The following RNASEH2C variants were observed in gnomAD, a reference collection of about 807,000 sequenced individuals.
RNASEH2C encodes RNase H1 small subunit.
A neutral mutation model predicts 16.3 loss-of-function variants in RNASEH2C; 20 were observed. That is an observed-to-expected ratio of 1.23 (90% CI 0.86 to 1.79). The LOEUF is 1.79. Among genes scored for constraint, RNASEH2C ranks in the 40% most tolerant of loss-of-function variants. The probability of loss-of-function intolerance (pLI) is 0.00; values close to 1 mark genes in which losing one functional copy is unlikely to be tolerated. For missense variants in RNASEH2C, 296 were observed against 235.9 expected (o/e 1.25, Z -1.67); for synonymous variants, 106 against 98.9 (o/e 1.07, Z -0.43).
chr11:65,720,246 T>A lies in RNASEH2C; in HGVS notation c.344A>T (p.Asp115Val). 1.2e-6 allele frequency: 2 copies of A among 1,614,216 alleles called. No homozygotes were observed. The highest frequency in any genetic ancestry group is 1.7e-6 in the Non-Finnish European group (2 of 1,180,028). The change falls in exon 2 of 4, where the codon GAC becomes GTC. Residue 115 changes from aspartate (D) to valine (V), a missense_variant. Asp to Val is a radical substitution (Grantham distance 152). Transcript: ENST00000308418. Reference sequence around the variant, plus strand: ...CAACCCTATCCCTTTGCTCACGAAGTCCCGCTCCAGCGGCTCCTCCTCTTG... The same window carrying A: ...CAACCCTATCCCTTTGCTCACGAAGACCCGCTCCAGCGGCTCCTCCTCTTG... ...DDQEEEPLERDFDRFIGATAN... is the reference protein window; with the variant it reads ...DDQEEEPLERVFDRFIGATAN...
chr11:65,720,637 G>C lies in RNASEH2C; in HGVS notation c.122C>G (p.Pro41Arg). Reference sequence around the variant, plus strand: ...CGTGAAGAAGCGCCCCACCGGGGCGGGCCCGTCCACCGCAACCTCGCAGGG... The same window carrying C: ...CGTGAAGAAGCGCCCCACCGGGGCGCGCCCGTCCACCGCAACCTCGCAGGG... ...LLPCEVAVDGPAPVGRFFTPA... is the reference protein window; with the variant it reads ...LLPCEVAVDGRAPVGRFFTPA... Residue 41 changes from proline (P) to arginine (R), a missense_variant, in exon 1 of 4, where the codon CCC becomes CGC. Transcript: ENST00000308418. The C allele has an allele frequency of 1.3e-6, 2 of 1,563,700 alleles. No homozygotes were observed. Among genetic ancestry groups the C allele is most frequent in the Non-Finnish European group, 1.7e-6 (2 of 1,158,952 alleles).
chr11:65,719,395 C>T lies in RNASEH2C; in HGVS notation c.*388G>A, dbSNP rs982205018. On this transcript the variant is annotated 3_prime_UTR_variant, in exon 4 of 4. Coordinates refer to ENST00000308418, the MANE Select transcript of RNASEH2C (RefSeq NM_032193.4). ...CTCCAAGGTCAGCTGGCCACAGGCC[C>T]AGGCCTCCTCTGAAGCAGGGACCAG... 2 of 631,512 alleles carry T rather than the reference C, an allele frequency of 3.2e-6. No individual in the cohort carries two copies. The highest frequency in any genetic ancestry group is 5.5e-6 in the Non-Finnish European group (2 of 365,680). The allele number at this position is 631,512 out of a possible 1,614,324, so 39.1% of individuals were successfully genotyped here. A position where few individuals can be genotyped will look rare whatever the true frequency, so the allele number is the denominator to read the frequency against.
rs760270515 is a variant in RNASEH2C, at chr11:65,720,400, G to T, written c.190C>A (p.Arg64=). ...TCCTCTCCCCGTAGACAGCGGCCCCGAAACGACACTTCGAGTCCTGGAGCG... is the reference window on the plus strand; with the variant it reads ...TCCTCTCCCCGTAGACAGCGGCCCCTAAACGACACTTCGAGTCCTGGAGCG... ...QGPEGLEVSF[R]GRCLRGEEVA... The change falls in exon 2 of 4, where the codon CGG becomes AGG. Residue 64 remains arginine, a synonymous_variant. Coordinates refer to ENST00000308418, the MANE Select transcript of RNASEH2C (RefSeq NM_032193.4). The T allele has an allele frequency of 1.2e-5, 19 of 1,613,922 alleles. No homozygotes were observed. Among genetic ancestry groups the T allele is most frequent in the Middle Eastern group, 1.6e-4 (1 of 6,084 alleles).
Position 65,720,223 on chromosome 11 carries a change from A to G in RNASEH2C, c.348+19T>C, listed in dbSNP as rs755524049. 1.7e-5 allele frequency: 28 copies of G among 1,613,700 alleles called. No individual in the cohort carries two copies. The highest frequency in any genetic ancestry group is 1.6e-4 in the Middle Eastern group (1 of 6,084). On this transcript the variant is annotated intron_variant, in intron 2 of 3. Coordinates refer to ENST00000308418, the MANE Select transcript of RNASEH2C (RefSeq NM_032193.4). ...CAGCTCCCGCCCGCACCCCCTTTCA[A>G]CCCTATCCCTTTGCTCACGAAGTCC...
intron 3 of RNASEH2C, 72 bp downstream of exon 3, chr11:65,719,973 A>G (rs772496650): frequency 5.6e-6 from 9 of 1,609,094 alleles, no homozygotes; most frequent in Middle Eastern, 1.6e-4. Context: ...AGAATCCTCC[A>G]GGCTCCGTCT....
Position 65,720,120 on chromosome 11 carries a change from C to A in RNASEH2C, c.393G>T (p.Leu131=). ...GATANFSRFT[L]WGLETIPGPD... is the part of the protein sequence containing the mutation. ...GGCCAGGGATGGTCTCCAGACCCCA[C>A]AGGGTGAAGCGGCTGAAGTTGGCAG... Residue 131 remains leucine (L), a synonymous_variant, in exon 3 of 4, where the codon CTG becomes CTT. Transcript: ENST00000308418. The A allele has an allele frequency of 6.2e-7, 1 of 1,614,252 alleles. No homozygotes were observed. The highest frequency in any genetic ancestry group is 8.5e-7 in the Non-Finnish European group (1 of 1,180,052).
At position 65,720,040 on chromosome 11, in the gene RNASEH2C, CT is replaced by C; in HGVS notation, c.468+4del. 1 of 1,613,312 alleles carries C rather than the reference CT, an allele frequency of 6.2e-7. No individual in the cohort carries two copies. Among genetic ancestry groups the C allele is most frequent in the Non-Finnish European group, 8.5e-7 (1 of 1,180,042 alleles). On this transcript the variant is annotated splice_donor_region_variant and intron_variant, in intron 3 of 3. Transcript: ENST00000308418. ...GGGGCAAGACGGAACTCCTCGTCTA[CT>C]CACCGCTGCCGCAAGGCTGGGCCAA...
In RNASEH2C at chr11:65,720,396, C is replaced by T. The variant is rs554234154; in HGVS notation, c.194G>A (p.Gly65Asp). 1.4e-5 allele frequency: 23 copies of T among 1,614,106 alleles called. No homozygotes were observed. In the East Asian group the frequency reaches 4.2e-4, roughly 30 times the overall value. ...GPEGLEVSFR[G>D]RCLRGEEVAV... ...CACCTCCTCTCCCCGTAGACAGCGG[C>T]CCCGAAACGACACTTCGAGTCCTGG... The change falls in exon 2 of 4, where the codon GGC (glycine) becomes GAC (aspartate). Residue 65 changes from glycine to aspartate, a missense_variant. Physicochemically the swap from Gly to Asp is moderately conservative, Grantham distance 94 (BLOSUM62 -1). Coordinates refer to ENST00000308418, the MANE Select transcript of RNASEH2C (RefSeq NM_032193.4).
Position 65,720,747 on chromosome 11 carries a change from G to GCCGCTCT in RNASEH2C, c.5_11dup (p.Asp5GlufsTer103). The GCCGCTCT allele has an allele frequency of 6.3e-7, 1 of 1,592,488 alleles. No individual in the cohort carries two copies. Among genetic ancestry groups the GCCGCTCT allele is most frequent in the Non-Finnish European group, 8.5e-7 (1 of 1,174,624 alleles). On this transcript the variant is annotated frameshift_variant, in exon 1 of 4. Coordinates refer to ENST00000308418, the MANE Select transcript of RNASEH2C (RefSeq NM_032193.4). LOFTEE classifies it high-confidence loss of function. ...GGTGCCTCTCGATGGCCGCTTCGTC[G>GCCGCTCT]CCGCTCTCCATCCTCCCTCCTACGC...
At position 65,719,828 on chromosome 11, in the gene RNASEH2C, C is replaced by T. The variant is rs2135651382; in HGVS notation, c.469-19G>A. 2 of 1,614,112 alleles carry T rather than the reference C, an allele frequency of 1.2e-6. No individual in the cohort carries two copies. Among genetic ancestry groups the T allele is most frequent in the Admixed American group, 1.7e-5 (1 of 60,026 alleles). On this transcript the variant is annotated intron_variant, in intron 3 of 3. Coordinates refer to ENST00000308418, the MANE Select transcript of RNASEH2C (RefSeq NM_032193.4). The stretch of plus-strand genomic sequence containing the variant: ...CGTGAATCTGCAACAGGAGTCGCCT[C>T]TACTGTTGGACTTGTAAGACAGGGC...
At position 65,720,465 on chromosome 11, in the gene RNASEH2C, G is replaced by A. The variant is rs750684200; in HGVS notation, c.173-48C>T. The A allele has an allele frequency of 2.5e-6, 4 of 1,604,342 alleles. No individual in the cohort carries two copies. In the South Asian group the frequency reaches 4.4e-5, roughly 18 times the overall value. ...CCTCAGGCAGGACCCACGCTGGGTC[G>A]AGCCCGGAGCTGCCCTCCCGCCACC... On this transcript the variant is annotated intron_variant, in intron 1 of 3. Coordinates refer to ENST00000308418, the MANE Select transcript of RNASEH2C (RefSeq NM_032193.4).
At chr11:65,720,456 C>T (rs757385325) in intron 1 of RNASEH2C, 39 bp from the exon 2 acceptor site, 15 of 1,608,602 alleles carry the variant, frequency 9.3e-6, no homozygotes, top group Non-Finnish European at 1.3e-5. Flanking sequence ...GCAGGACCCA[C>T]GCTGGGTCGA....
At chr11:65,720,498 G>A in intron 1 of RNASEH2C, 81 bp from the exon 2 acceptor site, 4 of 1,581,240 alleles carry the variant, frequency 2.5e-6, no homozygotes, top group Non-Finnish European at 3.4e-6. Context: ...ACCTCCGGAC[G>A]GACCACGATC....
rs775269637 is a variant in RNASEH2C at position 65,720,592 on chromosome 11, G to C, written c.167C>G (p.Pro56Arg). Reference protein sequence around the residue: ...RFFTPAIRQGPEGLEVSFRGR... With the variant: ...RFFTPAIRQGREGLEVSFRGR... ...AGTCCGGCCGCAGGGCTCACCCTCG[G>C]GGCCCTGGCGGATGGCGGGCGTGAA... The change falls in exon 1 of 4, where the codon CCC becomes CGC. Residue 56 changes from proline (P) to arginine (R), a missense_variant. Pro to Arg is a moderately radical substitution (Grantham distance 103). Coordinates refer to ENST00000308418, the MANE Select transcript of RNASEH2C (RefSeq NM_032193.4). 2.0e-6 allele frequency: 3 copies of C among 1,533,948 alleles called. No homozygotes were observed. The highest frequency in any genetic ancestry group is 2.6e-6 in the Non-Finnish European group (3 of 1,143,690).
At position 65,718,613 on chromosome 11, in the gene RNASEH2C, G is replaced by A; in HGVS notation, c.*1170C>T. 1 of 1,614,212 alleles carries A rather than the reference G, an allele frequency of 6.2e-7. No individual in the cohort carries two copies. On this transcript the variant is annotated 3_prime_UTR_variant, in exon 4 of 4. Transcript: ENST00000308418. ...AGGCTATGAACTCTCCAAAGTGGAA[G>A]GGAAAACAGGGACCCCTGAGAAGCC... is the stretch of plus-strand genomic sequence containing the variant.
rs1857350587 is a variant in RNASEH2C at position 65,720,290 on chromosome 11, C to T, written c.300G>A (p.Arg100=). The change falls in exon 2 of 4, where the codon CGG becomes CGA. Residue 100 remains arginine (R), a synonymous_variant. Coordinates refer to ENST00000308418, the MANE Select transcript of RNASEH2C (RefSeq NM_032193.4). The part of the protein sequence containing the change: ...KVSMGKPDPL[R]DSGTDDQEEE... ...CCTCTTGGTCGTCAGTCCCGGAATC[C>T]CGCAAGGGGTCTGGCTTCCCCATCG... The T allele has an allele frequency of 1.2e-6, 2 of 1,614,124 alleles. No homozygotes were observed. The highest frequency in any genetic ancestry group is 2.7e-5 in the African/African-American group (2 of 74,954).
In RNASEH2C at chr11:65,720,636, G is replaced by T; in HGVS notation, c.123C>A (p.Pro41=). 6.4e-7 allele frequency: 1 copy of T among 1,562,512 alleles called. No individual in the cohort carries two copies. Among genetic ancestry groups the T allele is most frequent in the East Asian group, 2.4e-5 (1 of 41,738 alleles). ...LLPCEVAVDG[P]APVGRFFTPA... is the part of the protein sequence containing the mutation. ...GCGTGAAGAAGCGCCCCACCGGGGC[G>T]GGCCCGTCCACCGCAACCTCGCAGG... Residue 41 remains proline, a synonymous_variant, in exon 1 of 4, where the codon CCC becomes CCA. Transcript: ENST00000308418.
At position 65,720,164 on chromosome 11, in the gene RNASEH2C, C is replaced by A. The variant is rs768923856; in HGVS notation, c.349G>T (p.Asp117Tyr). The A allele has an allele frequency of 1.2e-6, 2 of 1,614,256 alleles. No homozygotes were observed. Among genetic ancestry groups the A allele is most frequent in the South Asian group, 2.2e-5 (2 of 91,086 alleles). Residue 117 changes from aspartate (D) to tyrosine (Y), a missense_variant and splice_region_variant, in exon 3 of 4, where the codon GAC becomes TAC. Coordinates refer to ENST00000308418, the MANE Select transcript of RNASEH2C (RefSeq NM_032193.4). ...QEEEPLERDF[D>Y]RFIGATANFS... ...TTGGCAGTGGCTCCAATGAAGCGGT[C>A]CTGGGGAAGGGGCCTGGCTCAGCAT...
In RNASEH2C at chr11:65,718,156, C is replaced by T. The variant is rs1017789132; in HGVS notation, c.*1627G>A. On this transcript the variant is annotated 3_prime_UTR_variant, in exon 4 of 4. Coordinates refer to ENST00000308418, the MANE Select transcript of RNASEH2C (RefSeq NM_032193.4). ...TTACAGCAGGTGACACTCCCAAGGTCCCAGCTAGGAGGACTTTGAGAATTC... is the reference window on the plus strand; with the variant it reads ...TTACAGCAGGTGACACTCCCAAGGTTCCAGCTAGGAGGACTTTGAGAATTC... 6.3e-6 allele frequency: 1 copy of T among 159,662 alleles called. No individual in the cohort carries two copies. Among genetic ancestry groups the T allele is most frequent in the African/African-American group, 2.4e-5 (1 of 41,556 alleles). 9.9% of individuals were successfully genotyped at this position (159,662 alleles called of 1,614,324 possible).
Sources: allele counts gnomAD v4.1 joint callset, GRCh38; gene constraint gnomAD v4.1.1; transcripts MANE v1.5; gene names NCBI Gene and HGNC (gene_info 2026-07-23, HGNC 2026-07-21).